The following RASAL2 variants were observed in gnomAD, a reference collection of about 807,000 sequenced individuals.
RASAL2 encodes ras GTPase-activating protein nGAP.
A neutral mutation model predicts 128.9 loss-of-function variants in RASAL2; 58 were observed. The ratio of observed to expected loss-of-function variants is 0.45; its 90% CI spans 0.36 to 0.56. The LOEUF (loss-of-function observed/expected upper bound fraction) is 0.56. Among genes scored for constraint, RASAL2 ranks in the 20% least tolerant of loss-of-function variants. RASAL2 has a pLI of 0.00. For missense variants in RASAL2, 1,360 were observed against 1,601.6 expected (o/e 0.85, Z 2.57); for synonymous variants, 561 against 580.8 (o/e 0.97, Z 0.49).
intron 1 of RASAL2, among the ~76,000 whole-genome samples, chr1:178,186,544 T>C (rs752480295): frequency 4.6e-5 from 7 of 152,184 alleles, no homozygotes; most frequent in Admixed American, 2.0e-4. Context: ...TTCTGTACAT[T>C]TAAAGTCTTG....
At chr1:178,410,042 G>T (rs1572023598) in intron 4 of RASAL2, among the ~76,000 whole-genome samples, 1 of 152,116 alleles carries the variant, frequency 6.6e-6, no homozygotes, top group African/African-American at 2.4e-5. Flanking sequence ...AATGGAGGGT[G>T]TTGGTAATTG....
Position 178,337,877 on chromosome 1 carries a change from G to A in RASAL2, c.457+37759G>A, listed in dbSNP as rs192301542. Among the ~76,000 whole-genome samples, 879 of 150,666 alleles carry A rather than the reference G, an allele frequency of 5.8e-3. 3 individuals carry two copies. The highest frequency in any genetic ancestry group is 8.9e-3 in the Non-Finnish European group (599 of 67,586). On this transcript the variant is annotated intron_variant, in intron 3 of 17. Coordinates refer to ENST00000367649, the MANE Select transcript of RASAL2 (RefSeq NM_170692.4). ...CTCCCGAGTAGCCGAGATTATAGGC[G>A]CCTGCCACCACGCCTGGCTAATTTT...
At chr1:178,310,749 C>T (rs1489510834) in intron 3 of RASAL2, among the ~76,000 whole-genome samples, 1 of 152,140 alleles carries the variant, frequency 6.6e-6, no homozygotes, top group Non-Finnish European at 1.5e-5. Context: ...AGTGCTGCCA[C>T]TTATGGTTGC....
At chr1:178,165,671 A>G (rs1210242008) in intron 1 of RASAL2, among the ~76,000 whole-genome samples, 1 of 152,168 alleles carries the variant, frequency 6.6e-6, no homozygotes, top group Non-Finnish European at 1.5e-5. Flanking sequence ...TTATTGAGTC[A>G]ACTTTTAGAG....
At chr1:178,323,062 A>G (rs892586179) in intron 3 of RASAL2, among the ~76,000 whole-genome samples, 5 of 152,208 alleles carry the variant, frequency 3.3e-5, no homozygotes, top group Non-Finnish European at 7.3e-5. Context: ...CCAATAAGAT[A>G]TTAACTCTTG....
At chr1:178,460,657 G>T (rs1015315296) in intron 14 of RASAL2, among the ~76,000 whole-genome samples, 7 of 152,116 alleles carry the variant, frequency 4.6e-5, no homozygotes, top group African/African-American at 1.7e-4. Flanking sequence ...TCCAGGTACA[G>T]CTTTGAATAT....
At chr1:178,455,186 G>A (rs541243379) in intron 12 of RASAL2, among the ~76,000 whole-genome samples, 27 of 151,930 alleles carry the variant, frequency 1.8e-4, no homozygotes, top group Admixed American at 1.2e-3. Context: ...ATTTTTAATC[G>A]TTTGCTAAGA....
intron 3 of RASAL2, among the ~76,000 whole-genome samples, chr1:178,364,362 C>A (rs1331153286): frequency 6.6e-6 from 1 of 152,158 alleles, no homozygotes. Context: ...CTTCACCCAA[C>A]CTCCAATACT....
At chr1:178,162,245 G>A (rs1287441296) in intron 1 of RASAL2, among the ~76,000 whole-genome samples, 4 of 143,694 alleles carry the variant, frequency 2.8e-5, no homozygotes, top group Admixed American at 7.3e-5. Context: ...GATTACAGGC[G>A]TGAGCCACCG....
At chr1:178,300,515 C>T (rs1667719715) in intron 3 of RASAL2, among the ~76,000 whole-genome samples, 1 of 152,124 alleles carries the variant, frequency 6.6e-6, no homozygotes, top group Non-Finnish European at 1.5e-5. Flanking sequence ...CAGGTAGCTA[C>T]TGGTGTTGTC....
chr1:178,341,649 G>A (rs574043672), intron 3 of RASAL2: 17 of 1,613,138 alleles, frequency 1.1e-5, no homozygotes, highest in Middle Eastern at 1.6e-4. Flanking sequence ...GAAAAGTCAC[G>A]TATTTAAGGG....
chr1:178,466,080 A>G lies in RASAL2; in HGVS notation c.3548A>G (p.Gln1183Arg). 3.2e-6 allele frequency: 5 copies of G among 1,577,792 alleles called. No individual in the cohort carries two copies. Among genetic ancestry groups the G allele is most frequent in the Non-Finnish European group, 4.3e-6 (5 of 1,160,374 alleles). Residue 1183 changes from glutamine to arginine, a missense_variant, in exon 16 of 18, where the codon CAG (glutamine) becomes CGG (arginine). By Grantham distance (43) the Gln-to-Arg change is conservative. This residue lies in a region of RASAL2 where 741 missense variants were observed against 868.6 expected (regional missense o/e 0.85). Transcript: ENST00000367649. The stretch of plus-strand genomic sequence containing the variant: ...GACAGCGAGGAGCGGCTCCGAAGAC[A>G]GCAGGAAGAAAAAGATAGCCAGATG... ...LEDSEERLRR[Q>R]QEEKDSQMKS... is the part of the protein sequence containing the mutation.
intron 2 of RASAL2, among the ~76,000 whole-genome samples, chr1:178,287,776 C>G (rs1667098821): frequency 6.6e-6 from 1 of 152,078 alleles, no homozygotes; most frequent in Non-Finnish European, 1.5e-5. Flanking sequence ...GGGAGCTGAG[C>G]TATGAGGATG....
intron 1 of RASAL2, among the ~76,000 whole-genome samples, chr1:178,268,235 C>G (rs111929915): frequency 6.6e-6 from 1 of 151,886 alleles, no homozygotes; most frequent in Admixed American, 6.6e-5. Context: ...TTTAGGAGGC[C>G]GAGGCGGGTG....
At chr1:178,178,581 T>C (rs1295362505) in intron 1 of RASAL2, among the ~76,000 whole-genome samples, 1 of 152,204 alleles carries the variant, frequency 6.6e-6, no homozygotes, top group African/African-American at 2.4e-5. Context: ...TATTACTAAA[T>C]TATATACTAA....
intron 1 of RASAL2, among the ~76,000 whole-genome samples, chr1:178,121,688 G>C (rs1319224592): frequency 6.6e-6 from 1 of 152,030 alleles, no homozygotes; most frequent in Non-Finnish European, 1.5e-5. Context: ...GTTTTGCCGT[G>C]TTAGCCAGGC....
At chr1:178,363,046 A>G (rs1277715905) in intron 3 of RASAL2, among the ~76,000 whole-genome samples, 2 of 152,106 alleles carry the variant, frequency 1.3e-5, no homozygotes, top group African/African-American at 4.8e-5. Context: ...TTGCAGGGTC[A>G]TATTACTAGT....
At chr1:178,142,570 CAG>C (rs1660571069) in intron 1 of RASAL2, among the ~76,000 whole-genome samples, 1 of 152,122 alleles carries the variant, frequency 6.6e-6, no homozygotes. Context: ...CTAAAGGCAA[CAG>C]AGCAGGCCAT....
In RASAL2 at chr1:178,458,184, C is replaced by G; in HGVS notation, c.2892C>G (p.Leu964=). ...RSQSNSEDFK[L]SGPSNSSMED... ...AAAGTAACAGTGAAGACTTCAAGCTCAGTGGACCCAGCAATAGCAGCATGG... is the reference window on the plus strand; with the variant it reads ...AAAGTAACAGTGAAGACTTCAAGCTGAGTGGACCCAGCAATAGCAGCATGG... Residue 964 remains leucine, a synonymous_variant, in exon 14 of 18, where the codon CTC becomes CTG. Coordinates refer to ENST00000367649, the MANE Select transcript of RASAL2 (RefSeq NM_170692.4). The G allele has an allele frequency of 6.2e-7, 1 of 1,614,258 alleles. No homozygotes were observed. The highest frequency in any genetic ancestry group is 8.5e-7 in the Non-Finnish European group (1 of 1,180,054).
Sources: allele counts gnomAD v4.1 joint callset (sites outside exome capture counted in the v4.1 genomes callset), GRCh38; gene constraint gnomAD v4.1.1; regional missense constraint gnomAD v4.1.1; transcripts MANE v1.5; gene names NCBI Gene and HGNC (gene_info 2026-07-23, HGNC 2026-07-21).